PCDHGA1: variants seen among roughly 807,000 people sequenced by gnomAD.
PCDHGA1 encodes the protein protocadherin gamma subfamily A, 1.
PCDHGA1 carries 32 observed loss-of-function variants against 58.0 expected under a neutral mutation model. The ratio of observed to expected loss-of-function variants is 0.55; its 90% CI spans 0.42 to 0.74. PCDHGA1 has a LOEUF of 0.74. PCDHGA1 is among the 30% of genes least tolerant of loss of function. The pLI, the probability that PCDHGA1 is intolerant of heterozygous loss-of-function variation, is 0.00. For missense variants in PCDHGA1, 1,205 were observed against 1,182.3 expected (o/e 1.02, Z -0.28); for synonymous variants, 498 against 501.1 (o/e 0.99, Z 0.08).
intron 1 of PCDHGA1, chr5:141,404,934 C>A: frequency 5.6e-6 from 9 of 1,613,986 alleles, no homozygotes; most frequent in Non-Finnish European, 6.8e-6. Flanking sequence ...GTCACGCTCA[C>A]AGTAGCCATA....
At chr5:141,383,287 G>T (rs753501762) in intron 1 of PCDHGA1, 3 of 1,613,916 alleles carry the variant, frequency 1.9e-6, no homozygotes, top group Non-Finnish European at 1.7e-6. Flanking sequence ...TAATGACAAC[G>T]TTCCAAGATT....
intron 1 of PCDHGA1, chr5:141,415,110 C>A: frequency 6.2e-7 from 1 of 1,613,666 alleles, no homozygotes; most frequent in Middle Eastern, 1.7e-4. Flanking sequence ...TCAAGCAAAG[C>A]CTCGTAGTGG....
At chr5:141,421,156 C>T in intron 1 of PCDHGA1, 1 of 1,197,694 alleles carries the variant, frequency 8.3e-7, no homozygotes, top group Non-Finnish European at 1.1e-6. Flanking sequence ...CGGCCTAGGA[C>T]TTCATAGATA....
intron 1 of PCDHGA1, chr5:141,427,206 G>C (rs1224325038): frequency 1.1e-5 from 5 of 456,606 alleles, no homozygotes; most frequent in Admixed American, 2.3e-5. Context: ...AATAGACTTC[G>C]AATTTCGTAG....
At chr5:141,414,570 C>T in intron 1 of PCDHGA1, 1 of 1,613,980 alleles carries the variant, frequency 6.2e-7, no homozygotes. Context: ...TTACCTATAT[C>T]CCAGAGAACA....
At position 141,489,358 on chromosome 5, in the gene PCDHGA1, G is replaced by A; in HGVS notation, c.2422-5449G>A. On this transcript the variant is annotated intron_variant, in intron 1 of 3. Transcript: ENST00000517417. This position sits in a 1 kb window ranked among gnomAD's most constrained non-coding sequence, Gnocchi z 4.5. ...TCGTTACTCAGTGGTGGAGGAGTCT[G>A]AGCCGGGGACGCTGGTGGGGAATGT... 1 of 1,613,144 alleles carries A rather than the reference G, an allele frequency of 6.2e-7. No individual in the cohort carries two copies. The highest frequency in any genetic ancestry group is 8.5e-7 in the Non-Finnish European group (1 of 1,179,278).
At chr5:141,414,435 C>G (rs891322256) in intron 1 of PCDHGA1, 2 of 1,613,678 alleles carry the variant, frequency 1.2e-6, no homozygotes, top group African/African-American at 1.3e-5. Context: ...AACAGGTATC[C>G]TCTTACAATA....
At chr5:141,508,841 C>G (rs969875150) in intron 3 of PCDHGA1, among the ~76,000 whole-genome samples, 1 of 152,140 alleles carries the variant, frequency 6.6e-6, no homozygotes, top group Admixed American at 6.5e-5. Flanking sequence ...TCCCCTACCC[C>G]TTCCATTCCC....
rs2099698809 is a variant in PCDHGA1 at position 141,490,343 on chromosome 5, T to C, written c.2422-4464T>C. On this transcript the variant is annotated intron_variant, in intron 1 of 3. Transcript: ENST00000517417. This position sits in a 1 kb window ranked among gnomAD's most constrained non-coding sequence, Gnocchi z 5.4. ...CTAGAGAGCACACCAGTGGGCACAG[T>C]AGTGGGGTTGTTTAATGTGCGAGAC... The C allele has an allele frequency of 6.2e-7, 1 of 1,614,018 alleles. No individual in the cohort carries two copies. Among genetic ancestry groups the C allele is most frequent in the Admixed American group, 1.7e-5 (1 of 60,006 alleles).
intron 1 of PCDHGA1, chr5:141,413,604 C>T: frequency 5.6e-6 from 9 of 1,613,818 alleles, no homozygotes; most frequent in Non-Finnish European, 7.6e-6. Flanking sequence ...AAAATCTAGA[C>T]GTAAAAATTA....
intron 1 of PCDHGA1, chr5:141,398,793 A>G (rs376843278): frequency 2.5e-5 from 41 of 1,613,830 alleles, no homozygotes; most frequent in South Asian, 1.1e-5. Flanking sequence ...ATCCACCCCT[A>G]AGCGGCACCA....
intron 1 of PCDHGA1, chr5:141,384,276 C>A: frequency 6.2e-7 from 1 of 1,613,888 alleles, no homozygotes; most frequent in Non-Finnish European, 8.5e-7. Context: ...CCTACTCAGT[C>A]TACATCGCTG....
At chr5:141,336,786 A>G (rs1009734361) in intron 1 of PCDHGA1, among the ~76,000 whole-genome samples, 3 of 152,250 alleles carry the variant, frequency 2.0e-5, no homozygotes, top group African/African-American at 7.2e-5. Context: ...AAAATTGTAT[A>G]CTGGACTTTA....
chr5:141,417,824 G>A (rs2096165363), intron 1 of PCDHGA1: 4 of 1,518,120 alleles, frequency 2.6e-6, no homozygotes, highest in Non-Finnish European at 3.5e-6. Context: ...TTCTCCAACT[G>A]GAAAAGCGGG....
intron 1 of PCDHGA1, chr5:141,355,736 C>T (rs746630262): frequency 1.2e-6 from 2 of 1,613,962 alleles, no homozygotes; most frequent in Non-Finnish European, 1.7e-6. Flanking sequence ...GGTTACTTTT[C>T]CCTGGACGTG....
In PCDHGA1 at chr5:141,476,401, G is replaced by A. The variant is rs772438777; in HGVS notation, c.2422-18406G>A. The A allele has an allele frequency of 1.9e-6, 3 of 1,614,054 alleles. No individual in the cohort carries two copies. Among genetic ancestry groups the A allele is most frequent in the African/African-American group, 2.7e-5 (2 of 74,926 alleles). On this transcript the variant is annotated intron_variant, in intron 1 of 3. Coordinates refer to ENST00000517417, the MANE Select transcript of PCDHGA1 (RefSeq NM_018912.3). This position sits in a 1 kb window ranked among gnomAD's most constrained non-coding sequence, Gnocchi z 7.6. ...TTGTGAACGACCGTCTGGATCGAGA[G>A]GAGCTGTGTGGGACACTGCCCTCTT...
chr5:141,375,868 C>G (rs1259625295), intron 1 of PCDHGA1: 1 of 1,613,938 alleles, frequency 6.2e-7, no homozygotes. Flanking sequence ...TGGCGGTGGA[C>G]AGAGACTCGG....
At chr5:141,404,518 T>C (rs775647026) in intron 1 of PCDHGA1, 16 of 1,613,656 alleles carry the variant, frequency 9.9e-6, no homozygotes, top group Non-Finnish European at 1.4e-5. Flanking sequence ...CCTTTGACTA[T>C]GAGCAGTTTA....
At chr5:141,501,103 G>A (rs1449600108) in intron 2 of PCDHGA1, among the ~76,000 whole-genome samples, 9 of 152,078 alleles carry the variant, frequency 5.9e-5, no homozygotes, top group African/African-American at 1.4e-4. Context: ...TCTTGACCTC[G>A]TGATCCGCCT....
Sources: gnomAD v4.1 joint callset for allele counts (sites outside exome capture counted in the v4.1 genomes callset) on GRCh38, gnomAD v4.1.1 for gene constraint, Gnocchi (gnomAD v3.1) non-coding constraint, MANE v1.5 for transcripts, NCBI Gene and HGNC (gene_info 2026-07-23, HGNC 2026-07-21) for gene names.